ITGA9: variants seen among roughly 807,000 people sequenced by gnomAD.
The protein encoded by ITGA9 is integrin subunit alpha 9.
A neutral mutation model predicts 127.8 loss-of-function variants in ITGA9; 56 were observed. The ratio of observed to expected loss-of-function variants is 0.44; its 90% CI spans 0.35 to 0.55. ITGA9 has a LOEUF of 0.55. Among genes scored for constraint, ITGA9 ranks in the 20% least tolerant of loss-of-function variants. The pLI is 0.00. For synonymous variants in ITGA9, 508 were observed against 514.5 expected (o/e 0.99, Z 0.17); for missense variants, 1,196 against 1,347.1 (o/e 0.89, Z 1.76).
chr3:37,521,239 A>G (rs1699041366), intron 11 of ITGA9, among the ~76,000 whole-genome samples: 1 of 152,226 alleles, frequency 6.6e-6, no homozygotes, highest in Non-Finnish European at 1.5e-5. Flanking sequence ...TTGCAGGCCC[A>G]GGTCCTGGAC....
intron 17 of ITGA9, among the ~76,000 whole-genome samples, chr3:37,681,361 C>G (rs1288176389): frequency 6.6e-6 from 1 of 152,114 alleles, no homozygotes; most frequent in Non-Finnish European, 1.5e-5. Flanking sequence ...TCAGATGATC[C>G]CTGGTGTCTC....
At chr3:37,557,427 G>A (rs1699441560) in intron 15 of ITGA9, among the ~76,000 whole-genome samples, 1 of 152,170 alleles carries the variant, frequency 6.6e-6, no homozygotes, top group Admixed American at 6.5e-5. Context: ...AAGCGCCCAG[G>A]CTGAGGAAAC....
chr3:37,758,329 C>CAAAAAAAAAAAAAAAAAAAAAAAAA (rs57505967), intron 23 of ITGA9, among the ~76,000 whole-genome samples: 2 of 65,988 alleles, frequency 3.0e-5, no homozygotes, highest in African/African-American at 1.3e-4. Context: ...GACTCCGTCT[C>CAAAAAAAAAAAAAAAAAAAAAAAAA]AAAAAAAAAA....
intron 15 of ITGA9, among the ~76,000 whole-genome samples, chr3:37,586,748 A>G (rs905761493): frequency 9.2e-5 from 14 of 152,228 alleles, no homozygotes; most frequent in Admixed American, 5.2e-4. Context: ...CTTTTAACTT[A>G]CGGGTCACCT....
intron 15 of ITGA9, among the ~76,000 whole-genome samples, chr3:37,609,677 C>T (rs1346439691): frequency 3.9e-5 from 6 of 152,150 alleles, no homozygotes; most frequent in South Asian, 2.1e-4. Flanking sequence ...GCAAGGAATT[C>T]GGGACAGGGC....
chr3:37,780,112 G>A, intron 25 of ITGA9, 91 bp downstream of exon 25: 3 of 1,487,338 alleles, frequency 2.0e-6, no homozygotes, highest in Non-Finnish European at 2.8e-6. Flanking sequence ...AAAAAGGAAA[G>A]CATTTGAATT....
chr3:37,666,538 G>A (rs1343271017), intron 17 of ITGA9, among the ~76,000 whole-genome samples: 1 of 152,142 alleles, frequency 6.6e-6, no homozygotes, highest in East Asian at 1.9e-4. Flanking sequence ...GTTGGTTTGT[G>A]GTTCGCTGGC....
At chr3:37,589,293 A>T (rs1050099791) in intron 15 of ITGA9, among the ~76,000 whole-genome samples, 2 of 152,190 alleles carry the variant, frequency 1.3e-5, no homozygotes, top group Non-Finnish European at 2.9e-5. Context: ...TCGTTCATTC[A>T]CTGATTCACC....
At chr3:37,642,192 T>C (rs1700340319) in intron 16 of ITGA9, among the ~76,000 whole-genome samples, 1 of 152,182 alleles carries the variant, frequency 6.6e-6, no homozygotes, top group Non-Finnish European at 1.5e-5. Flanking sequence ...GGAATCCTCC[T>C]GCCTCAGCCT....
At chr3:37,541,749 G>A (rs909740132) in intron 14 of ITGA9, among the ~76,000 whole-genome samples, 6 of 152,202 alleles carry the variant, frequency 3.9e-5, no homozygotes, top group Admixed American at 2.0e-4. Context: ...TGGGAATAAA[G>A]GCAACTCCAG....
At chr3:37,649,083 A>G (rs191150658) in intron 16 of ITGA9, among the ~76,000 whole-genome samples, 144 of 151,396 alleles carry the variant, frequency 9.5e-4, no homozygotes, top group Non-Finnish European at 1.7e-3. Context: ...AGTTATATAT[A>G]TAAAAAAAGA....
At chr3:37,570,597 G>A (rs368447353) in intron 15 of ITGA9, among the ~76,000 whole-genome samples, 3 of 152,182 alleles carry the variant, frequency 2.0e-5, no homozygotes, top group Non-Finnish European at 4.4e-5. Context: ...ATCTACTTCT[G>A]TACTTGACCT....
intron 15 of ITGA9, among the ~76,000 whole-genome samples, chr3:37,628,524 G>A (rs1008228905): frequency 3.4e-4 from 52 of 152,268 alleles, no homozygotes; most frequent in East Asian, 1.9e-4. Flanking sequence ...CTCACAGGGC[G>A]TGGGTGTGTT....
In ITGA9 at chr3:37,537,427, C is replaced by T. The variant is rs565486038; in HGVS notation, c.1528+3959C>T. The stretch of plus-strand genomic sequence containing the variant: ...GCAAAACAAGTGAGGTTTGCAGGGT[C>T]CCAGCTCCAGTGTCACAGTGCAGGG... On this transcript the variant is annotated intron_variant, in intron 14 of 27. Transcript: ENST00000264741. Among the ~76,000 whole-genome samples the T allele has an allele frequency of 2.0e-5, 3 of 152,266 alleles. No homozygotes were observed. The South Asian group carries it at 6.2e-4, about 32-fold the overall frequency.
Position 37,687,141 on chromosome 3 carries a change from G to A in ITGA9, c.2067+3126G>A, listed in dbSNP as rs139207101. ...ATGAAAGTCAAAAAAAATGAACAAAGTGGAAGATCAGACAGTAGAACAATA... is the reference window on the plus strand; with the variant it reads ...ATGAAAGTCAAAAAAAATGAACAAAATGGAAGATCAGACAGTAGAACAATA... On this transcript the variant is annotated intron_variant, in intron 18 of 27. Coordinates refer to ENST00000264741, the MANE Select transcript of ITGA9 (RefSeq NM_002207.3). Among the ~76,000 whole-genome samples the A allele has an allele frequency of 2.6e-5, 4 of 152,324 alleles. No individual in the cohort carries two copies. The East Asian group carries it at 5.8e-4, about 22-fold the overall frequency.
chr3:37,765,667 A>G (rs893538136), intron 23 of ITGA9, among the ~76,000 whole-genome samples: 2 of 152,204 alleles, frequency 1.3e-5, no homozygotes, highest in Non-Finnish European at 2.9e-5. Context: ...GGCTAGAGGG[A>G]GAAAGCGTGT....
chr3:37,750,837 G>T (rs1163719236), intron 23 of ITGA9, among the ~76,000 whole-genome samples: 1 of 152,362 alleles, frequency 6.6e-6, no homozygotes, highest in East Asian at 1.9e-4. Flanking sequence ...CGCTGGCTCT[G>T]GGAACCCCCA....
chr3:37,673,586 A>G (rs950637339), intron 17 of ITGA9, among the ~76,000 whole-genome samples: 3 of 151,684 alleles, frequency 2.0e-5, no homozygotes, highest in East Asian at 1.9e-4. Flanking sequence ...AGTCCCTCCA[A>G]CTCTAAGGGT....
chr3:37,733,590 C>G (rs1347699274), intron 19 of ITGA9, among the ~76,000 whole-genome samples: 1 of 143,110 alleles, frequency 7.0e-6, no homozygotes, highest in Admixed American at 7.1e-5. Context: ...ACACTCAGAT[C>G]ATTTTAATCT....
Sources: allele counts gnomAD v4.1 joint callset (sites outside exome capture counted in the v4.1 genomes callset), GRCh38; gene constraint gnomAD v4.1.1; transcripts MANE v1.5; gene names NCBI Gene and HGNC (gene_info 2026-07-23, HGNC 2026-07-21).